The following MDH2 variants were observed in gnomAD, a reference collection of about 807,000 sequenced individuals.
The protein encoded by MDH2 is malate dehydrogenase, mitochondrial.
MDH2 carries 25 observed loss-of-function variants against 33.6 expected under a neutral mutation model. That is an observed-to-expected ratio of 0.74 (90% CI 0.54 to 1.04). MDH2 has a LOEUF of 1.04. MDH2 is among the 50% of genes least tolerant of loss of function. The pLI is 0.00. For missense variants in MDH2, 432 were observed against 445.0 expected, an observed-to-expected ratio of 0.97 and a Z score of 0.26; for synonymous variants, 193 against 188.7, an observed-to-expected ratio of 1.02 and a Z score of -0.19.
Position 76,067,346 on chromosome 7 carries a change from T to C in MDH2, c.*936T>C, listed in dbSNP as rs73705405. 1 of 152,190 alleles carries C rather than the reference T, an allele frequency of 6.6e-6. No homozygotes were observed. The highest frequency in any genetic ancestry group is 1.5e-5 in the Non-Finnish European group (1 of 68,032). The allele number at this position is 152,190 out of a possible 1,614,324, so 9.4% of individuals were successfully genotyped here. On this transcript the variant is annotated 3_prime_UTR_variant, in exon 9 of 9. Transcript: ENST00000315758. ...GCTGGAGGTGTGCCCAGTACTTGGA[T>C]GTTCATCTGTCCACAACAGCTTTTT...
chr7:76,056,436 G>A (rs181636646), intron 2 of MDH2, among the ~76,000 whole-genome samples: 1 of 152,284 alleles, frequency 6.6e-6, no homozygotes, highest in East Asian at 1.9e-4. Flanking sequence ...TCTTAAGTTG[G>A]TGTGAACAGC....
chr7:76,057,518 G>A, intron 3 of MDH2, 25 bp downstream of exon 3: 1 of 1,606,934 alleles, frequency 6.2e-7, no homozygotes, highest in Non-Finnish European at 8.5e-7. Flanking sequence ...GCCTTGTCTG[G>A]TACCTCCCCA....
At chr7:76,048,423 G>A in intron 1 of MDH2, 197 bp downstream of exon 1, 1 of 1,121,480 alleles carries the variant, frequency 8.9e-7, no homozygotes, top group Non-Finnish European at 1.2e-6. Flanking sequence ...GGGGAAAAGG[G>A]GGCGAGGTAG....
chr7:76,048,582 A>G (rs1797420428), intron 1 of MDH2: 1 of 1,312,522 alleles, frequency 7.6e-7, no homozygotes, highest in African/African-American at 1.5e-5. Flanking sequence ...GCAGCGTTCC[A>G]TTGCTTTGAC....
At chr7:76,059,198 T>A (rs1554586665) in intron 4 of MDH2, among the ~76,000 whole-genome samples, 1 of 152,148 alleles carries the variant, frequency 6.6e-6, no homozygotes, top group Non-Finnish European at 1.5e-5. Flanking sequence ...CCCGCCTCAC[T>A]CTCCCAGAGT....
chr7:76,062,166 C>G (rs1797972560), intron 5 of MDH2, among the ~76,000 whole-genome samples: 5 of 152,230 alleles, frequency 3.3e-5, no homozygotes, highest in Non-Finnish European at 7.3e-5. Context: ...CCTTAAACTT[C>G]CGATGGCTGG....
intron 6 of MDH2, among the ~76,000 whole-genome samples, chr7:76,063,950 G>C (rs2116698430): frequency 1.3e-5 from 2 of 152,264 alleles, no homozygotes; most frequent in Middle Eastern, 3.4e-3. Context: ...CGGGAGGATT[G>C]CTTGAGCCTG....
intron 1 of MDH2, among the ~76,000 whole-genome samples, chr7:76,049,506 T>G (rs960125896): frequency 3.3e-5 from 5 of 151,688 alleles, no homozygotes; most frequent in Admixed American, 1.3e-4. Flanking sequence ...ATGAGTAAAC[T>G]TAGGACAGGT....
chr7:76,055,538 C>G (rs1554586141), intron 2 of MDH2, among the ~76,000 whole-genome samples: 4 of 152,018 alleles, frequency 2.6e-5, no homozygotes, highest in African/African-American at 9.6e-5. Flanking sequence ...GAGTTCAAGA[C>G]CAGCCCAGGC....
chr7:76,062,167 C>T (rs546070785), intron 5 of MDH2, among the ~76,000 whole-genome samples: 1 of 152,360 alleles, frequency 6.6e-6, no homozygotes, highest in South Asian at 2.1e-4. Flanking sequence ...CTTAAACTTC[C>T]GATGGCTGGT....
At chr7:76,049,092 G>A (rs1412693274) in intron 1 of MDH2, 2 of 985,158 alleles carry the variant, frequency 2.0e-6, no homozygotes, top group African/African-American at 3.5e-5. Flanking sequence ...CAAGAGGGAG[G>A]TAATTTTAAA....
chr7:76,048,363 G>A, intron 1 of MDH2, 137 bp downstream of exon 1: 36 of 1,306,222 alleles, frequency 2.8e-5, no homozygotes, highest in Non-Finnish European at 3.3e-5. Flanking sequence ...GGAGACTGTG[G>A]CGCCCGGGGC....
chr7:76,066,369 T>G lies in MDH2; in HGVS notation c.976T>G (p.Ser326Ala). ...GGATGCCATCCCCGAGCTGAAGGCC[T>G]CCATCAAGAAGGGGGAAGATTTCGT... ...ISDAIPELKA[S>A]IKKGEDFVKT... The change falls in exon 9 of 9, where the codon TCC (serine) becomes GCC (alanine). Residue 326 changes from serine to alanine, a missense_variant. Transcript: ENST00000315758. The G allele has an allele frequency of 1.2e-6, 2 of 1,611,164 alleles. No homozygotes were observed. The highest frequency in any genetic ancestry group is 1.7e-6 in the Non-Finnish European group (2 of 1,179,172).
chr7:76,049,347 T>G (rs782514316), intron 1 of MDH2, among the ~76,000 whole-genome samples: 39 of 152,184 alleles, frequency 2.6e-4, no homozygotes, highest in Admixed American at 1.3e-4. Flanking sequence ...GGGGCCCAGC[T>G]GTATACAGAT....
At chr7:76,054,579 ATCTT>A in intron 1 of MDH2, 1 of 475,448 alleles carries the variant, frequency 2.1e-6, no homozygotes, top group Non-Finnish European at 3.7e-6. Flanking sequence ...CTTGTTCTTC[ATCTT>A]TCAGGAGGGT....
At chr7:76,048,996 G>A in intron 1 of MDH2, 1 of 326,716 alleles carries the variant, frequency 3.1e-6, no homozygotes, top group South Asian at 1.6e-4. Context: ...GGGGGGGGGG[G>A]GGTCCGCATT....
intron 5 of MDH2, among the ~76,000 whole-genome samples, 171 bp from the exon 6 acceptor site, chr7:76,063,344 C>G (rs782799222): frequency 2.0e-5 from 3 of 152,218 alleles, no homozygotes; most frequent in African/African-American, 7.2e-5. Flanking sequence ...TTTGGGGCAC[C>G]GTGGCAGGAG....
At position 76,066,404 on chromosome 7, in the gene MDH2, G is replaced by A. The variant is rs1798098964; in HGVS notation, c.1011G>A (p.Leu337=). The part of the protein sequence containing the change: ...IKKGEDFVKT[L]K ...AGGGGGAAGATTTCGTGAAGACCCT[G>A]AAGTGAGCCGCTGTGACGGGTGGCC... The change falls in exon 9 of 9, where the codon CTG becomes CTA. Residue 337 remains leucine (L), a synonymous_variant. Coordinates refer to ENST00000315758, the MANE Select transcript of MDH2 (RefSeq NM_005918.4). 6.2e-7 allele frequency: 1 copy of A among 1,611,058 alleles called. No homozygotes were observed. Among genetic ancestry groups the A allele is most frequent in the African/African-American group, 1.3e-5 (1 of 74,434 alleles).
At position 76,066,746 on chromosome 7, in the gene MDH2, A is replaced by G. The variant is rs1010294828; in HGVS notation, c.*336A>G. 3.9e-5 allele frequency: 7 copies of G among 181,102 alleles called. No homozygotes were observed. The highest frequency in any genetic ancestry group is 6.9e-5 in the Non-Finnish European group (6 of 86,472). The allele number at this position is 181,102 out of a possible 1,614,324, so 11.2% of individuals were successfully genotyped here. A position where few individuals can be genotyped will look rare whatever the true frequency, so the allele number is the denominator to read the frequency against. On this transcript the variant is annotated 3_prime_UTR_variant, in exon 9 of 9. Transcript: ENST00000315758. ...CATCAGTAGCTTCAAGAAAGTCTAA[A>G]TTGTTAATTTATGGAATTGGACACA... is the stretch of plus-strand genomic sequence containing the variant.
Sources: gnomAD v4.1 joint callset for allele counts (sites outside exome capture counted in the v4.1 genomes callset) on GRCh38, gnomAD v4.1.1 for gene constraint, MANE v1.5 for transcripts, NCBI Gene and HGNC (gene_info 2026-07-23, HGNC 2026-07-21) for gene names.